Variants in CDH13 observed in about 807,000 individuals in gnomAD.
CDH13 encodes the protein cadherin 13.
Under a neutral mutation model 63.8 loss-of-function variants are expected in CDH13, and 24 were observed. The ratio of observed to expected loss-of-function variants is 0.38; its 90% CI spans 0.27 to 0.53. The LOEUF is 0.53. CDH13 is among the 20% of genes least tolerant of loss of function. CDH13 has a pLI of 0.85. For synonymous variants in CDH13, 503 were observed against 355.3 expected (o/e 1.42, Z -4.67); for missense variants, 1,049 against 903.1 (o/e 1.16, Z -2.07).
chr16:82,855,154 C>T (rs2039635675), intron 1 of CDH13, among the ~76,000 whole-genome samples: 1 of 152,192 alleles, frequency 6.6e-6, no homozygotes, highest in Non-Finnish European at 1.5e-5. Context: ...TCTCCTACTG[C>T]TCCCCTCTTC....
intron 2 of CDH13, among the ~76,000 whole-genome samples, chr16:83,003,360 A>C (rs138204554): frequency 8.6e-5 from 13 of 151,898 alleles, no homozygotes; most frequent in African/African-American, 1.9e-4. Context: ...TTGCATTGAT[A>C]ATTTATCTAT....
At chr16:83,475,374 T>C (rs2073575345) in intron 6 of CDH13, among the ~76,000 whole-genome samples, 1 of 152,160 alleles carries the variant, frequency 6.6e-6, no homozygotes, top group African/African-American at 2.4e-5. Flanking sequence ...GTCAGGAAGC[T>C]GCATGTTCAA....
intron 6 of CDH13, among the ~76,000 whole-genome samples, chr16:83,379,925 A>G (rs962372525): frequency 3.6e-4 from 34 of 93,820 alleles, no homozygotes; most frequent in Admixed American, 1.0e-3. Context: ...GTGTGTATAT[A>G]TATATATATA....
At chr16:83,240,527 G>A (rs940451041) in intron 5 of CDH13, among the ~76,000 whole-genome samples, 1 of 151,990 alleles carries the variant, frequency 6.6e-6, no homozygotes, top group South Asian at 2.1e-4. Context: ...TGGCCAAGGT[G>A]GAGGTGATAA....
intron 5 of CDH13, among the ~76,000 whole-genome samples, chr16:83,266,226 C>T (rs1292224963): frequency 1.3e-5 from 2 of 152,152 alleles, no homozygotes; most frequent in Non-Finnish European, 2.9e-5. Context: ...ACAGAAGTCA[C>T]TCTCACACAC....
At chr16:83,063,010 T>G (rs529153138) in intron 3 of CDH13, among the ~76,000 whole-genome samples, 134 of 149,192 alleles carry the variant, frequency 9.0e-4, no homozygotes, top group South Asian at 4.9e-3. Context: ...TTACCCAGGC[T>G]GGAGTTCAGG....
At chr16:82,902,821 G>A (rs1443136993) in intron 2 of CDH13, among the ~76,000 whole-genome samples, 2 of 152,098 alleles carry the variant, frequency 1.3e-5, no homozygotes, top group Non-Finnish European at 2.9e-5. Context: ...GTCTGCCTTG[G>A]TCTGGTTGGT....
chr16:82,903,463 A>G (rs944049912), intron 2 of CDH13, among the ~76,000 whole-genome samples: 1 of 152,130 alleles, frequency 6.6e-6, no homozygotes, highest in East Asian at 1.9e-4. Flanking sequence ...CCAAATTTTT[A>G]TCCTCATCGT....
chr16:83,267,616 G>A (rs577883281), intron 5 of CDH13, among the ~76,000 whole-genome samples: 76 of 152,098 alleles, frequency 5.0e-4, no homozygotes, highest in Non-Finnish European at 1.0e-3. Flanking sequence ...GCGGGAGTGG[G>A]CTCCCGGTAA....
chr16:83,034,205 C>T (rs1321800827), intron 3 of CDH13, among the ~76,000 whole-genome samples: 1 of 152,118 alleles, frequency 6.6e-6, no homozygotes, highest in Admixed American at 6.6e-5. Context: ...TAACCCCTGG[C>T]TTAGCCTGAG....
At chr16:82,748,318 A>G (rs1188579449) in intron 1 of CDH13, among the ~76,000 whole-genome samples, 2 of 152,200 alleles carry the variant, frequency 1.3e-5, no homozygotes, top group Non-Finnish European at 2.9e-5. Context: ...ATGGCAATTA[A>G]TTTACTATGC....
In CDH13 at chr16:83,800,397, T is replaced by TC. The variant is rs915306510; in HGVS notation, c.*5373dup. The TC allele has an allele frequency of 3.9e-5, 6 of 152,222 alleles. No homozygotes were observed. Among genetic ancestry groups the TC allele is most frequent in the African/African-American group, 9.6e-5 (4 of 41,522 alleles). The allele number at this position is 152,222 out of a possible 1,614,324, so 9.4% of individuals were successfully genotyped here. ...TGTCCTGATGACAAAATTTTATGTA[T>TC]CCCCCCAGATAAAAATTTTAAGAAA... On this transcript the variant is annotated 3_prime_UTR_variant, in exon 14 of 14. Coordinates refer to ENST00000567109, the MANE Select transcript of CDH13 (RefSeq NM_001257.5).
chr16:82,997,144 T>C (rs1264076449), intron 2 of CDH13, among the ~76,000 whole-genome samples: 2 of 112,762 alleles, frequency 1.8e-5, no homozygotes, highest in South Asian at 2.9e-4. Context: ...GTGGTGATGA[T>C]GGTGATGATG....
chr16:83,403,696 A>G lies in CDH13; in HGVS notation c.781+58690A>G, dbSNP rs187996917. On this transcript the variant is annotated intron_variant, in intron 6 of 13. Coordinates refer to ENST00000567109, the MANE Select transcript of CDH13 (RefSeq NM_001257.5). ...GGAGTGAGCAGTCCCCAGTGGAAGT[A>G]TAATTTCCAGGCTATCTCACACAAG... 6.0e-4 allele frequency among the ~76,000 whole-genome samples: 92 copies of G among 152,292 alleles called. No individual in the cohort carries two copies. The Middle Eastern group carries it at 0.01, about 17-fold the overall frequency.
At chr16:82,940,628 G>T (rs1904276853) in intron 2 of CDH13, among the ~76,000 whole-genome samples, 1 of 152,170 alleles carries the variant, frequency 6.6e-6, no homozygotes, top group Admixed American at 6.5e-5. Flanking sequence ...CATCTTTCAA[G>T]ATGTTTGTAG....
In CDH13 at chr16:83,491,625, G is replaced by A. The variant is rs78618069; in HGVS notation, c.960+4970G>A. Among the ~76,000 whole-genome samples the A allele has an allele frequency of 8.9e-3, 1,337 of 149,694 alleles. 16 individuals carry two copies. The highest frequency in any genetic ancestry group is 0.031 in the African/African-American group (1,268 of 40,630). On this transcript the variant is annotated intron_variant, in intron 7 of 13. Transcript: ENST00000567109. ...GTTTCCAAAATAGACTCATAAAAAA[G>A]CAATCTTAACATTTGCATTGAGAAA...
chr16:82,968,264 C>A (rs193005844), intron 2 of CDH13, among the ~76,000 whole-genome samples: 1 of 152,156 alleles, frequency 6.6e-6, no homozygotes, highest in African/African-American at 2.4e-5. Flanking sequence ...TATCCTAGCA[C>A]GTCAACTTTT....
At chr16:83,531,682 T>A (rs1367784373) in intron 7 of CDH13, among the ~76,000 whole-genome samples, 1 of 152,196 alleles carries the variant, frequency 6.6e-6, no homozygotes, top group East Asian at 1.9e-4. Context: ...GGCAATGTGA[T>A]GTGGCCACTA....
chr16:83,216,735 G>A (rs1176808887), intron 4 of CDH13, among the ~76,000 whole-genome samples: 3 of 146,678 alleles, frequency 2.0e-5, no homozygotes, highest in African/African-American at 5.0e-5. Flanking sequence ...TAATATATAG[G>A]GGTTTGATAT....
Sources: gnomAD v4.1 joint callset for allele counts (sites outside exome capture counted in the v4.1 genomes callset) on GRCh38, gnomAD v4.1.1 for gene constraint, MANE v1.5 for transcripts, NCBI Gene and HGNC (gene_info 2026-07-23, HGNC 2026-07-21) for gene names.